The following CLIP2 variants were observed in gnomAD, a reference collection of about 807,000 sequenced individuals.
CLIP2 encodes CAP-Gly domain-containing linker protein 2.
CLIP2 carries 41 observed loss-of-function variants against 111.7 expected under a neutral mutation model. The ratio of observed to expected loss-of-function variants is 0.37; its 90% CI spans 0.29 to 0.48. CLIP2 has a LOEUF of 0.48. Among genes scored for constraint, CLIP2 ranks in the 20% least tolerant of loss-of-function variants. The pLI is 0.99. For missense variants in CLIP2, 1,160 were observed against 1,422.1 expected (o/e 0.82, Z 2.96); for synonymous variants, 660 against 644.2 (o/e 1.02, Z -0.37).
chr7:74,325,567 C>T (rs938540328), intron 2 of CLIP2, among the ~76,000 whole-genome samples: 1 of 152,224 alleles, frequency 6.6e-6, no homozygotes, highest in Non-Finnish European at 1.5e-5. Flanking sequence ...CATGGTGGCT[C>T]ACGCCTGTAA....
intron 8 of CLIP2, among the ~76,000 whole-genome samples, chr7:74,371,860 CTT>C (rs1180579188): frequency 1.3e-5 from 2 of 152,078 alleles, no homozygotes; most frequent in Admixed American, 6.6e-5. Context: ...CTCAATGTCT[CTT>C]AATGAATTGC....
intron 2 of CLIP2, among the ~76,000 whole-genome samples, chr7:74,336,602 T>TC (rs1186024309): frequency 1.3e-5 from 2 of 151,944 alleles, no homozygotes; most frequent in Non-Finnish European, 2.9e-5. Flanking sequence ...TTCATTAAGC[T>TC]CCCACTGGGT....
chr7:74,326,332 G>T (rs978685955), intron 2 of CLIP2, among the ~76,000 whole-genome samples: 1 of 152,150 alleles, frequency 6.6e-6, no homozygotes, highest in Admixed American at 6.6e-5. Context: ...CAGACTGAGC[G>T]CCTGCTGCCT....
Position 74,376,282 on chromosome 7 carries a change from C to A in CLIP2, c.1881C>A (p.Ser627=). ...CGCTGGCCTCGGACCACCAGAAGTC[C>A]CTGGAGGACCTCAAAGCCACCCTGA... is the stretch of plus-strand genomic sequence containing the variant. ...LDSLASDHQK[S]LEDLKATLNS... is the part of the protein sequence containing the mutation. The change falls in exon 10 of 17, where the codon TCC becomes TCA. Residue 627 remains serine (S), a synonymous_variant. Coordinates refer to ENST00000223398, the MANE Select transcript of CLIP2 (RefSeq NM_003388.5). This position sits in a 1 kb window ranked among gnomAD's most constrained non-coding sequence, Gnocchi z 7.1. The A allele has an allele frequency of 1.9e-6, 3 of 1,613,584 alleles. No homozygotes were observed. In the South Asian group the frequency reaches 3.3e-5, roughly 18 times the overall value.
At chr7:74,341,244 G>C (rs1361074082) in intron 3 of CLIP2, among the ~76,000 whole-genome samples, 2 of 152,134 alleles carry the variant, frequency 1.3e-5, no homozygotes, top group African/African-American at 2.4e-5. Context: ...CTGGAGCGCA[G>C]TGGTGCGTTC....
In CLIP2 at chr7:74,400,372, C is replaced by A. The variant is rs17145468; in HGVS notation, c.2883C>A (p.Asp961Glu). The A allele has an allele frequency of 0.019, 31,124 of 1,605,314 alleles. 765 individuals are homozygous for A. Among genetic ancestry groups the A allele is most frequent in the African/African-American group, 0.078 (5,853 of 74,858 alleles). The change falls in exon 15 of 17, where the codon GAC becomes GAA. Residue 961 changes from aspartate to glutamate, a missense_variant and splice_region_variant. Asp to Glu is a conservative substitution (Grantham distance 45). Coordinates refer to ENST00000223398, the MANE Select transcript of CLIP2 (RefSeq NM_003388.5). ...TTCCACTCTCCTGCCACTTCCAGGACAAAGAGAAATCCCTGTCGGATCAGA... is the reference window on the plus strand; with the variant it reads ...TTCCACTCTCCTGCCACTTCCAGGAAAAAGAGAAATCCCTGTCGGATCAGA... ...RGLREKLTGL[D>E]KEKSLSDQRR...
At position 74,389,092 on chromosome 7, in the gene CLIP2, G is replaced by A; in HGVS notation, c.2564-11G>A. The A allele has an allele frequency of 1.3e-6, 2 of 1,598,276 alleles. No homozygotes were observed. The highest frequency in any genetic ancestry group is 1.7e-6 in the Non-Finnish European group (2 of 1,173,262). On this transcript the variant is annotated splice_polypyrimidine_tract_variant and intron_variant, in intron 12 of 16. Coordinates refer to ENST00000223398, the MANE Select transcript of CLIP2 (RefSeq NM_003388.5). ...AATCCTCTTCCTCCCTTCCCTGCCG[G>A]CTGACCCCAGCGCTGGAGAGCAAGT...
intron 15 of CLIP2, among the ~76,000 whole-genome samples, chr7:74,400,969 T>G (rs1482928218): frequency 7.7e-6 from 1 of 130,366 alleles, no homozygotes; most frequent in African/African-American, 3.1e-5. Flanking sequence ...GGGGGAGGCA[T>G]TTCTGTCCTA....
chr7:74,375,901 C>T lies in CLIP2; in HGVS notation c.1500C>T (p.Ala500=), dbSNP rs1451062974. The part of the protein sequence containing the change: ...ELADNRLTTV[A]EKSRVLQLEE... Reference sequence around the variant, plus strand: ...TCTCCCCACAGCTGACCACAGTGGCCGAGAAGTCGCGCGTGCTGCAGCTGG... The same window carrying T: ...TCTCCCCACAGCTGACCACAGTGGCTGAGAAGTCGCGCGTGCTGCAGCTGG... Residue 500 remains alanine (A), a synonymous_variant, in exon 10 of 17, where the codon GCC becomes GCT. Coordinates refer to ENST00000223398, the MANE Select transcript of CLIP2 (RefSeq NM_003388.5). 2.4e-5 allele frequency: 37 copies of T among 1,559,408 alleles called. No homozygotes were observed. The highest frequency in any genetic ancestry group is 7.1e-5 in the East Asian group (3 of 42,520).
Position 74,389,625 on chromosome 7 carries a change from G to A in CLIP2, c.2720+366G>A, listed in dbSNP as rs968458902. On this transcript the variant is annotated intron_variant, in intron 13 of 16. Transcript: ENST00000223398. The stretch of plus-strand genomic sequence containing the variant: ...AAAAAAAAAAAAAATTAGGCTGGGT[G>A]CAGTGGCTCACACCTGTAATCCCAG... Among the ~76,000 whole-genome samples the A allele has an allele frequency of 2.7e-5, 4 of 149,878 alleles. No individual in the cohort carries two copies. In the Admixed American group the frequency reaches 2.7e-4, roughly 10 times the overall value.
chr7:74,330,189 C>T (rs1455170130), intron 2 of CLIP2, among the ~76,000 whole-genome samples: 1 of 151,628 alleles, frequency 6.6e-6, no homozygotes, highest in East Asian at 1.9e-4. Flanking sequence ...TCAGCCTCCT[C>T]AGTAGCTGGG....
At chr7:74,382,908 C>T (rs1488948500) in intron 11 of CLIP2, among the ~76,000 whole-genome samples, 1 of 150,668 alleles carries the variant, frequency 6.6e-6, no homozygotes, top group Non-Finnish European at 1.5e-5. Flanking sequence ...CCTGTCTCTA[C>T]AAAAAATACC....
chr7:74,396,145 A>G (rs782756797), intron 13 of CLIP2, among the ~76,000 whole-genome samples: 14 of 152,214 alleles, frequency 9.2e-5, no homozygotes, highest in Non-Finnish European at 1.6e-4. Context: ...CGATCACTGC[A>G]CTGTTTCCTG....
At chr7:74,349,825 G>A (rs1471100090) in intron 3 of CLIP2, among the ~76,000 whole-genome samples, 5 of 151,822 alleles carry the variant, frequency 3.3e-5, no homozygotes, top group African/African-American at 1.2e-4. Flanking sequence ...ATGTTGGCCA[G>A]GCTGGTCTTT....
chr7:74,339,668 T>G (rs1283181510), intron 3 of CLIP2, among the ~76,000 whole-genome samples: 2 of 152,142 alleles, frequency 1.3e-5, no homozygotes, highest in African/African-American at 4.8e-5. Flanking sequence ...TATCACTCAT[T>G]TAGACAGTGC....
intron 1 of CLIP2, among the ~76,000 whole-genome samples, chr7:74,290,547 A>C (rs1554725226): frequency 6.6e-6 from 1 of 152,232 alleles, no homozygotes; most frequent in African/African-American, 2.4e-5. Flanking sequence ...GGACGGGCAG[A>C]GGGAGCACCT....
chr7:74,303,119 G>A (rs1427077796), intron 1 of CLIP2, among the ~76,000 whole-genome samples: 1 of 152,190 alleles, frequency 6.6e-6, no homozygotes, highest in Non-Finnish European at 1.5e-5. Flanking sequence ...CAGAGCTTCA[G>A]GTTCCGCCTC....
At position 74,397,205 on chromosome 7, in the gene CLIP2, G is replaced by A. The variant is rs61741372; in HGVS notation, c.2852G>A (p.Arg951Gln). The part of the protein sequence containing the change: ...IKEQKLKDDI[R>Q]GLREKLTGLD... ...GAGCAGAAACTCAAGGATGACATCC[G>A]GGGCCTGCGTGAAAAGCTGACCGGG... Residue 951 changes from arginine (R) to glutamine (Q), a missense_variant, in exon 14 of 17, where the codon CGG becomes CAG. Physicochemically the swap from Arg to Gln is conservative, Grantham distance 43. Around this residue, in one of 5 missense-constraint regions of CLIP2, gnomAD observed 676 missense variants for 777.8 expected, o/e 0.87. Transcript: ENST00000223398. 221 of 1,613,770 alleles carry A rather than the reference G, an allele frequency of 1.4e-4. No homozygotes were observed. The African/African-American group carries it at 2.3e-3, about 17-fold the overall frequency.
intron 2 of CLIP2, among the ~76,000 whole-genome samples, chr7:74,329,216 G>A (rs533273483): frequency 2.0e-5 from 3 of 147,924 alleles, no homozygotes; most frequent in East Asian, 2.1e-4. Context: ...GTGAGCCACC[G>A]CACCCGGCCA....
Sources: allele counts gnomAD v4.1 joint callset (sites outside exome capture counted in the v4.1 genomes callset), GRCh38; gene constraint gnomAD v4.1.1; regional missense constraint gnomAD v4.1.1; non-coding constraint Gnocchi (gnomAD v3.1); transcripts MANE v1.5; gene names NCBI Gene and HGNC (gene_info 2026-07-23, HGNC 2026-07-21).